The following RBFOX3 variants were observed in gnomAD, a reference collection of about 807,000 sequenced individuals.
RBFOX3 encodes the protein RNA binding fox-1 homolog 3.
A neutral mutation model predicts 48.7 loss-of-function variants in RBFOX3; 17 were observed. The ratio of observed to expected loss-of-function variants is 0.35; its 90% CI spans 0.24 to 0.52. The LOEUF (loss-of-function observed/expected upper bound fraction) is 0.52, where lower values mean the gene tolerates loss of function less well. RBFOX3 is among the 20% of genes least tolerant of loss of function. The probability of loss-of-function intolerance (pLI) is 0.94; values close to 1 mark genes in which losing one functional copy is unlikely to be tolerated. For missense variants in RBFOX3, 382 were observed against 497.5 expected, an observed-to-expected ratio of 0.77 and a Z score of 2.21; for synonymous variants, 212 against 209.5, an observed-to-expected ratio of 1.01 and a Z score of -0.10.
At chr17:79,656,684 G>GAAAGGAAA in the RBFOX3 span, among the ~76,000 whole-genome samples, 2 of 29,054 alleles carry the variant, frequency 6.9e-5, no homozygotes, top group Non-Finnish European at 2.3e-4. Flanking sequence ...AAGGAAGGAG[G>GAAAGGAAA]GAAGGAAGGA....
chr17:79,592,096 CAT>C (rs1491177190), intron 1 of RBFOX3, among the ~76,000 whole-genome samples: 12 of 147,414 alleles, frequency 8.1e-5, no homozygotes, highest in Non-Finnish European at 1.6e-4. Flanking sequence ...CATATGCATG[CAT>C]GTGTGTGTGT....
At chr17:79,611,072 C>T (rs2093958966), upstream of RBFOX3, among the ~76,000 whole-genome samples, 1 of 150,160 alleles carries the variant, frequency 6.7e-6, no homozygotes, top group Non-Finnish European at 1.5e-5. Flanking sequence ...CAGCCCCGCG[C>T]TCGCTCTTCC....
chr17:79,132,183 G>A (rs980761648), intron 4 of RBFOX3, among the ~76,000 whole-genome samples: 5 of 150,766 alleles, frequency 3.3e-5, no homozygotes, highest in South Asian at 2.1e-4. Context: ...AGGGTGAGGG[G>A]GCTTGAGGCT....
chr17:79,095,123 G>A (rs2074931887), intron 13 of RBFOX3, among the ~76,000 whole-genome samples: 1 of 152,126 alleles, frequency 6.6e-6, no homozygotes, highest in African/African-American at 2.4e-5. Context: ...GACCAGAGTG[G>A]TGGAGCTCAG....
At chr17:79,206,768 G>A (rs1213598508) in intron 4 of RBFOX3, among the ~76,000 whole-genome samples, 5 of 152,168 alleles carry the variant, frequency 3.3e-5, no homozygotes, top group Non-Finnish European at 7.4e-5. Flanking sequence ...ATGGCAGCTG[G>A]TGGATGCAAC....
At chr17:79,642,016 CT>C in the RBFOX3 span, among the ~76,000 whole-genome samples, 1 of 152,232 alleles carries the variant, frequency 6.6e-6, no homozygotes, top group Non-Finnish European at 1.5e-5. Context: ...AATTAAACCT[CT>C]TTTTTTAATG....
At chr17:79,561,218 C>T (rs978398829) in intron 1 of RBFOX3, among the ~76,000 whole-genome samples, 5,637 of 152,208 alleles carry the variant, frequency 0.037, 290 homozygotes, top group East Asian at 0.19. Context: ...AAGTCACTAC[C>T]ATGTATGCCC....
chr17:79,261,197 T>C (rs1308549654), intron 3 of RBFOX3, among the ~76,000 whole-genome samples: 4 of 152,142 alleles, frequency 2.6e-5, no homozygotes, highest in African/African-American at 9.7e-5. Context: ...ATCTCCCCTA[T>C]TGCAATGTAA....
chr17:79,416,861 G>T (rs1000999678), intron 2 of RBFOX3, among the ~76,000 whole-genome samples: 2 of 152,258 alleles, frequency 1.3e-5, no homozygotes, highest in Admixed American at 1.3e-4. Flanking sequence ...GGGCCCAGGG[G>T]ATGTGCTGTT....
the RBFOX3 span, among the ~76,000 whole-genome samples, chr17:79,662,935 C>T: frequency 7.9e-5 from 12 of 152,202 alleles, no homozygotes; most frequent in Middle Eastern, 0.01. Context: ...CCCTCCCACA[C>T]CAAAGTACAA....
At chr17:79,594,164 C>T (rs1166083997) in intron 1 of RBFOX3, among the ~76,000 whole-genome samples, 1 of 152,080 alleles carries the variant, frequency 6.6e-6, no homozygotes, top group Admixed American at 6.5e-5. Context: ...CCTGACCCAC[C>T]TTCTCCACTG....
At chr17:79,181,774 C>A (rs1341424668) in intron 4 of RBFOX3, among the ~76,000 whole-genome samples, 3 of 152,196 alleles carry the variant, frequency 2.0e-5, no homozygotes, top group Non-Finnish European at 4.4e-5. Context: ...GCCCTTGTAA[C>A]GGGCTGACCC....
At position 79,204,492 on chromosome 17, in the gene RBFOX3, G is replaced by A. The variant is rs1483045756; in HGVS notation, c.-34+31274C>T. ...CAGCTCCTTGAAGCGCACACATACC[G>A]ACAGCATTCAGTCAACGAGGTCGAC... On this transcript the variant is annotated intron_variant, in intron 4 of 14. Coordinates refer to ENST00000693108, the MANE Select transcript of RBFOX3 (RefSeq NM_001350451.2). This position sits in a 1 kb window ranked among gnomAD's most constrained non-coding sequence, Gnocchi z 4.5. Among the ~76,000 whole-genome samples, 4 of 152,172 alleles carry A rather than the reference G, an allele frequency of 2.6e-5. No homozygotes were observed. The South Asian group carries it at 6.2e-4, about 24-fold the overall frequency.
intron 9 of RBFOX3, chr17:79,098,307 G>A (rs1464444648): frequency 1.3e-5 from 2 of 154,532 alleles, no homozygotes; most frequent in Admixed American, 6.3e-5. Flanking sequence ...CCCCCAGAGC[G>A]GCTGTCCGGG....
chr17:79,448,016 G>T (rs576694842), intron 2 of RBFOX3, among the ~76,000 whole-genome samples: 1 of 152,298 alleles, frequency 6.6e-6, no homozygotes, highest in East Asian at 1.9e-4. Context: ...GCCATGTGAA[G>T]ACGTGCCTGC....
intron 1 of RBFOX3, among the ~76,000 whole-genome samples, chr17:79,561,677 C>G (rs2092228855): frequency 6.6e-6 from 1 of 152,198 alleles, no homozygotes; most frequent in African/African-American, 2.4e-5. Context: ...AGCAGGTGTC[C>G]TCACAGCAAA....
At chr17:79,397,512 C>T (rs532178208) in intron 2 of RBFOX3, among the ~76,000 whole-genome samples, 2 of 146,578 alleles carry the variant, frequency 1.4e-5, no homozygotes, top group South Asian at 2.2e-4. Context: ...AAAAAAAGTG[C>T]GACCCCCACC....
intron 3 of RBFOX3, among the ~76,000 whole-genome samples, chr17:79,270,190 C>T (rs1347143837): frequency 6.6e-6 from 1 of 152,176 alleles, no homozygotes; most frequent in Non-Finnish European, 1.5e-5. Flanking sequence ...GCATTCCCTG[C>T]TCCCTTTTTC....
At chr17:79,653,700 G>A in the RBFOX3 span, among the ~76,000 whole-genome samples, 1 of 151,988 alleles carries the variant, frequency 6.6e-6, no homozygotes, top group African/African-American at 2.4e-5. Flanking sequence ...GGGGGAAAGA[G>A]AATGCTGGTG....
Sources: gnomAD v4.1 joint callset for allele counts (sites outside exome capture counted in the v4.1 genomes callset) on GRCh38, gnomAD v4.1.1 for gene constraint, Gnocchi (gnomAD v3.1) non-coding constraint, MANE v1.5 for transcripts, NCBI Gene and HGNC (gene_info 2026-07-23, HGNC 2026-07-21) for gene names.